Variants in NRXN3 observed in about 807,000 individuals in gnomAD.
The protein encoded by NRXN3 is neurexin III.
In NRXN3, 32 loss-of-function variants were observed where a neutral mutation model predicts 137.6. The observed-to-expected ratio is 0.23, with a 90% CI of 0.18 to 0.31. NRXN3 has a LOEUF of 0.31. Ranked by LOEUF, NRXN3 falls within the 10% of genes least tolerant of loss-of-function variation. The pLI, the probability that NRXN3 is intolerant of heterozygous loss-of-function variation, is 1.00. For synonymous variants in NRXN3, 798 were observed against 784.5 expected (o/e 1.02, Z -0.29); for missense variants, 1,574 against 2,062.5 (o/e 0.76, Z 4.59).
intron 16 of NRXN3, among the ~76,000 whole-genome samples, chr14:79,516,269 C>T (rs2096983317): frequency 6.6e-6 from 1 of 152,202 alleles, no homozygotes; most frequent in African/African-American, 2.4e-5. Flanking sequence ...CAATAAGCCA[C>T]TTGAATTAGA....
intron 3 of NRXN3, among the ~76,000 whole-genome samples, chr14:78,288,341 T>A (rs2075415292): frequency 6.6e-6 from 1 of 152,128 alleles, no homozygotes; most frequent in Admixed American, 6.5e-5. Context: ...TTAGCCTTAA[T>A]AAAAAAAGAT....
chr14:79,506,975 T>C (rs976025496), intron 16 of NRXN3, among the ~76,000 whole-genome samples: 1 of 152,206 alleles, frequency 6.6e-6, no homozygotes, highest in African/African-American at 2.4e-5. Context: ...TTTTTGTGGT[T>C]AATTCTTCCA....
intron 17 of NRXN3, among the ~76,000 whole-genome samples, chr14:79,688,482 A>T (rs1193303855): frequency 2.0e-5 from 3 of 152,154 alleles, no homozygotes; most frequent in Non-Finnish European, 4.4e-5. Flanking sequence ...GTTATACAAG[A>T]GTTCTATTTT....
At chr14:79,517,896 C>CTTTTTTT (rs34241975) in intron 16 of NRXN3, among the ~76,000 whole-genome samples, 9 of 73,362 alleles carry the variant, frequency 1.2e-4, no homozygotes, top group East Asian at 4.8e-4. Flanking sequence ...CCTGACTTTC[C>CTTTTTTT]TTTTTTTTTT....
intron 8 of NRXN3, among the ~76,000 whole-genome samples, chr14:78,783,064 T>C (rs902733412): frequency 6.6e-6 from 1 of 152,156 alleles, no homozygotes; most frequent in Admixed American, 6.6e-5. Context: ...GAGAATAATA[T>C]TTGCATAGGC....
chr14:78,305,344 T>C (rs1341621346), intron 4 of NRXN3, among the ~76,000 whole-genome samples: 1 of 152,136 alleles, frequency 6.6e-6, no homozygotes, highest in Non-Finnish European at 1.5e-5. Flanking sequence ...TTCCTTTTGC[T>C]CTACAGAGTT....
chr14:78,813,770 T>C (rs2098922526), intron 10 of NRXN3, among the ~76,000 whole-genome samples: 1 of 152,120 alleles, frequency 6.6e-6, no homozygotes, highest in Non-Finnish European at 1.5e-5. Flanking sequence ...AAAAGAAGGA[T>C]GATCTTCCAG....
At chr14:79,322,349 G>A (rs893920131) in intron 15 of NRXN3, among the ~76,000 whole-genome samples, 2 of 152,032 alleles carry the variant, frequency 1.3e-5, no homozygotes, top group Non-Finnish European at 2.9e-5. Context: ...GGAGGACACC[G>A]AAATCACAGG....
intron 19 of NRXN3, among the ~76,000 whole-genome samples, chr14:79,708,281 G>C (rs560002031): frequency 2.0e-5 from 3 of 152,212 alleles, no homozygotes; most frequent in East Asian, 1.9e-4. Flanking sequence ...AAGTAACCTA[G>C]AGATGATTTA....
chr14:79,726,653 A>G (rs2098891308), intron 19 of NRXN3, among the ~76,000 whole-genome samples: 1 of 152,170 alleles, frequency 6.6e-6, no homozygotes, highest in African/African-American at 2.4e-5. Flanking sequence ...AGAGTTTTAC[A>G]TGCCTGGTAC....
intron 16 of NRXN3, among the ~76,000 whole-genome samples, chr14:79,568,443 T>C (rs186047574): frequency 3.3e-3 from 499 of 152,344 alleles, no homozygotes; most frequent in Non-Finnish European, 5.9e-3. Flanking sequence ...TCTAAGATTA[T>C]GGACTACATA....
chr14:79,155,986 A>G (rs1316927673), intron 15 of NRXN3, among the ~76,000 whole-genome samples: 2 of 151,838 alleles, frequency 1.3e-5, no homozygotes, highest in East Asian at 3.9e-4. Flanking sequence ...GGGAAGTTAT[A>G]TCTTTTACAT....
chr14:78,484,156 G>A (rs1177451467), intron 4 of NRXN3, among the ~76,000 whole-genome samples: 1 of 152,078 alleles, frequency 6.6e-6, no homozygotes, highest in Admixed American at 6.6e-5. Flanking sequence ...ATGCAGCTGC[G>A]GAATAATACA....
rs138867370 is a variant in NRXN3 at position 78,848,855 on chromosome 14, A to T, written c.2275+38511A>T. Among the ~76,000 whole-genome samples the T allele has an allele frequency of 2.1e-3, 321 of 152,218 alleles. 1 individual carries two copies. The highest frequency in any genetic ancestry group is 7.1e-3 in the African/African-American group (297 of 41,562). ...TAGCTGGGAGGAGTTGCTGGAAGTGATGAATTTACCCCAAGCCATGAAGGA... is the reference window on the plus strand; with the variant it reads ...TAGCTGGGAGGAGTTGCTGGAAGTGTTGAATTTACCCCAAGCCATGAAGGA... On this transcript the variant is annotated intron_variant, in intron 10 of 20. Coordinates refer to ENST00000335750, the MANE Select transcript of NRXN3 (RefSeq NM_001330195.2).
intron 19 of NRXN3, among the ~76,000 whole-genome samples, chr14:79,742,424 C>T (rs1421297736): frequency 6.6e-6 from 1 of 152,100 alleles, no homozygotes; most frequent in Non-Finnish European, 1.5e-5. Context: ...TAGACACCCC[C>T]TCCCTCCCTT....
chr14:79,422,266 G>C (rs1219850190), intron 15 of NRXN3, among the ~76,000 whole-genome samples: 1 of 151,878 alleles, frequency 6.6e-6, no homozygotes, highest in Non-Finnish European at 1.5e-5. Flanking sequence ...GTCTCACCAT[G>C]TTGCCTAGGC....
In NRXN3 at chr14:79,865,190, C is replaced by T. The variant is rs1256864880; in HGVS notation, c.*3226C>T. ...CTTAGATGTCTTCTTTCCAAGCCTC[C>T]CACCATATTAAAATTTAAAATTAAA... On this transcript the variant is annotated 3_prime_UTR_variant, in exon 21 of 21. Transcript: ENST00000335750. The T allele has an allele frequency of 6.6e-6, 1 of 152,086 alleles. No homozygotes were observed. Among genetic ancestry groups the T allele is most frequent in the Non-Finnish European group, 1.5e-5 (1 of 68,028 alleles). The allele number at this position is 152,086 out of a possible 1,614,324, so 9.4% of individuals were successfully genotyped here.
intron 19 of NRXN3, among the ~76,000 whole-genome samples, chr14:79,715,203 T>C (rs970174283): frequency 3.9e-5 from 6 of 152,162 alleles, no homozygotes; most frequent in Non-Finnish European, 7.4e-5. Flanking sequence ...TCCACCCACC[T>C]CAGCCTCCCA....
intron 15 of NRXN3, chr14:79,280,069 G>A: frequency 2.2e-6 from 3 of 1,354,716 alleles, no homozygotes; most frequent in Non-Finnish European, 2.8e-6. Context: ...TTTCAGCTCC[G>A]GGAAAGAGAA....
Sources: gnomAD v4.1 joint callset for allele counts (sites outside exome capture counted in the v4.1 genomes callset) on GRCh38, gnomAD v4.1.1 for gene constraint, MANE v1.5 for transcripts, NCBI Gene and HGNC (gene_info 2026-07-23, HGNC 2026-07-21) for gene names.